ATRNL1: variants seen among roughly 807,000 people sequenced by gnomAD.
ATRNL1 encodes the protein attractin like 1, also known as attractin-like protein 1.
Under a neutral mutation model 182.7 loss-of-function variants are expected in ATRNL1, and 95 were observed. The ratio of observed to expected loss-of-function variants is 0.52; its 90% confidence interval spans 0.44 to 0.62. The LOEUF is 0.62. ATRNL1 is among the 20% of genes least tolerant of loss of function. The probability of loss-of-function intolerance (pLI) is 0.00; values close to 1 mark genes in which losing one functional copy is unlikely to be tolerated. For missense variants in ATRNL1, 1,471 were observed against 1,679.5 expected (o/e 0.88, Z 2.17); for synonymous variants, 576 against 568.3 (o/e 1.01, Z -0.19).
chr10:115,143,763 T>C (rs1264796), intron 5 of ATRNL1, among the ~76,000 whole-genome samples: 54,559 of 151,860 alleles, frequency 0.36, 10,295 homozygotes, highest in African/African-American at 0.47. Flanking sequence ...CGTGAGAGTG[T>C]GAACTTGTGA....
intron 1 of ATRNL1, among the ~76,000 whole-genome samples, chr10:115,119,471 C>G (rs1013943147): frequency 1.1e-4 from 16 of 151,642 alleles, no homozygotes; most frequent in African/African-American, 3.6e-4. Context: ...AATATGGTCT[C>G]TTGATAAAAT....
At chr10:115,495,666 C>T (rs1849509883) in intron 24 of ATRNL1, among the ~76,000 whole-genome samples, 1 of 150,534 alleles carries the variant, frequency 6.6e-6, no homozygotes, top group Admixed American at 6.6e-5. Flanking sequence ...ATTTTTATTG[C>T]ACTACTGTCT....
intron 28 of ATRNL1, among the ~76,000 whole-genome samples, chr10:115,910,340 G>A (rs2134520167): frequency 6.6e-6 from 1 of 152,220 alleles, no homozygotes. Flanking sequence ...TGACTATTCT[G>A]AGTGGATGAA....
intron 24 of ATRNL1, among the ~76,000 whole-genome samples, chr10:115,493,921 A>G (rs79319214): frequency 0.033 from 5,002 of 152,164 alleles, 215 homozygotes; most frequent in East Asian, 0.14. Flanking sequence ...TTCTTTTGAA[A>G]TGTGTCAGTT....
chr10:115,443,913 T>C (rs540373501), intron 21 of ATRNL1, among the ~76,000 whole-genome samples: 2 of 152,246 alleles, frequency 1.3e-5, no homozygotes, highest in East Asian at 3.9e-4. Flanking sequence ...TATTCCTTCC[T>C]ATTTGAGTGT....
Position 115,917,336 on chromosome 10 carries a change from G to A in ATRNL1, c.4019-27322G>A, listed in dbSNP as rs1040326227. Among the ~76,000 whole-genome samples the A allele has an allele frequency of 5.3e-5, 8 of 152,138 alleles. No individual in the cohort carries two copies. The East Asian group carries it at 5.8e-4, about 11-fold the overall frequency. The stretch of plus-strand genomic sequence containing the variant: ...ATACAAAAAATTAGCCGGGCATGGC[G>A]GCGGGCACCTGTAGTTCCAGCTACT... On this transcript the variant is annotated intron_variant, in intron 28 of 28. Transcript: ENST00000355044.
chr10:115,941,001 G>A (rs1196545248), intron 28 of ATRNL1, among the ~76,000 whole-genome samples: 6 of 152,290 alleles, frequency 3.9e-5, no homozygotes, highest in African/African-American at 1.4e-4. Context: ...AAGCCGTGGG[G>A]TCCAGTAAAG....
intron 24 of ATRNL1, among the ~76,000 whole-genome samples, chr10:115,516,821 T>C (rs1341742928): frequency 1.3e-5 from 2 of 151,916 alleles, no homozygotes; most frequent in South Asian, 2.1e-4. Context: ...GGATATAAGC[T>C]CATATATCAC....
chr10:115,256,363 C>T (rs1322613035), intron 10 of ATRNL1, among the ~76,000 whole-genome samples: 10 of 151,780 alleles, frequency 6.6e-5, no homozygotes, highest in East Asian at 3.9e-4. Context: ...GGTTTAGTCT[C>T]GGGAGGGTGT....
chr10:115,141,385 T>C (rs1334967438), intron 5 of ATRNL1, among the ~76,000 whole-genome samples: 5 of 152,158 alleles, frequency 3.3e-5, no homozygotes, highest in Admixed American at 6.5e-5. Context: ...TATCAAGCAT[T>C]GGTTCTTGGA....
intron 10 of ATRNL1, among the ~76,000 whole-genome samples, chr10:115,257,456 C>CA (rs1321583710): frequency 6.6e-6 from 1 of 152,018 alleles, no homozygotes; most frequent in African/African-American, 2.4e-5. Flanking sequence ...GCAATCCCTA[C>CA]TTTTTTTTGC....
At chr10:115,325,430 C>T (rs2134045001) in intron 18 of ATRNL1, among the ~76,000 whole-genome samples, 1 of 152,284 alleles carries the variant, frequency 6.6e-6, no homozygotes, top group African/African-American at 2.4e-5. Context: ...AGCCATTATG[C>T]CTGGGTCCCC....
intron 21 of ATRNL1, among the ~76,000 whole-genome samples, chr10:115,440,465 T>C (rs913925446): frequency 6.6e-6 from 1 of 151,920 alleles, no homozygotes; most frequent in African/African-American, 2.4e-5. Context: ...CAAATTCAAA[T>C]ATCTTACACC....
At chr10:115,248,695 T>A (rs1352444990) in intron 10 of ATRNL1, among the ~76,000 whole-genome samples, 1 of 152,160 alleles carries the variant, frequency 6.6e-6, no homozygotes, top group Non-Finnish European at 1.5e-5. Flanking sequence ...AGTTTTTTTT[T>A]AAACTGAGAA....
rs576253528 is a variant in ATRNL1 at position 115,780,507 on chromosome 10, C to T, written c.3903+53152C>T. Among the ~76,000 whole-genome samples, 6 of 152,258 alleles carry T rather than the reference C, an allele frequency of 3.9e-5. No individual in the cohort carries two copies. The East Asian group carries it at 9.7e-4, about 25-fold the overall frequency. On this transcript the variant is annotated intron_variant, in intron 27 of 28. Transcript: ENST00000355044. ...CTAAGGAAGTGCTTGTGCCACCCCT[C>T]CCCAAACCCCAGGCTGAAGAGCTCA...
chr10:115,372,630 ATCCTT>A (rs1857456969), intron 19 of ATRNL1, among the ~76,000 whole-genome samples: 1 of 152,154 alleles, frequency 6.6e-6, no homozygotes, highest in African/African-American at 2.4e-5. Context: ...TGAAGAGGCT[ATCCTT>A]TCCTTATTGT....
At chr10:115,534,290 G>A (rs1851810637) in intron 25 of ATRNL1, among the ~76,000 whole-genome samples, 2 of 151,698 alleles carry the variant, frequency 1.3e-5, no homozygotes, top group South Asian at 4.2e-4. Context: ...GGGTGCTCCT[G>A]TATTGGGTGC....
chr10:115,343,700 T>G (rs891490893), intron 19 of ATRNL1, among the ~76,000 whole-genome samples: 5 of 152,136 alleles, frequency 3.3e-5, no homozygotes, highest in Admixed American at 3.3e-4. Flanking sequence ...ATGTTCTTCA[T>G]TATCTGGGCA....
At chr10:115,299,909 C>A in intron 15 of ATRNL1, 125 bp from the exon 16 acceptor site, 2 of 657,952 alleles carry the variant, frequency 3.0e-6, no homozygotes. Context: ...TACTAAAACT[C>A]ATTAGAAAGG....
Sources: allele counts gnomAD v4.1 joint callset (sites outside exome capture counted in the v4.1 genomes callset), GRCh38; gene constraint gnomAD v4.1.1; transcripts MANE v1.5; gene names NCBI Gene and HGNC (gene_info 2026-07-23, HGNC 2026-07-21).